The following NSUN2 variants were observed in gnomAD, a reference collection of about 807,000 sequenced individuals.
NSUN2 encodes the protein RNA cytosine C(5)-methyltransferase NSUN2.
NSUN2 carries 63 observed loss-of-function variants against 92.7 expected under a neutral mutation model. The ratio of observed to expected loss-of-function variants is 0.68; its 90% CI spans 0.56 to 0.84. The LOEUF (loss-of-function observed/expected upper bound fraction) is 0.84, where lower values mean the gene tolerates loss of function less well. NSUN2 is among the 40% of genes least tolerant of loss of function. The pLI is 0.00. For missense variants in NSUN2, 989 were observed against 964.9 expected (o/e 1.02, Z -0.33); for synonymous variants, 356 against 348.3 (o/e 1.02, Z -0.25).
chr5:6,623,044 G>GAAAAA (rs111573762), intron 5 of NSUN2, among the ~76,000 whole-genome samples, 170 bp downstream of exon 5: 1 of 72,958 alleles, frequency 1.4e-5, no homozygotes, highest in Non-Finnish European at 2.9e-5. Flanking sequence ...GGACAAAAAA[G>GAAAAA]AAAAAAAAAA....
At chr5:6,600,703 G>A (rs911008495) in intron 18 of NSUN2, among the ~76,000 whole-genome samples, 2 of 151,832 alleles carry the variant, frequency 1.3e-5, no homozygotes, top group Non-Finnish European at 2.9e-5. Context: ...CAGGACCACC[G>A]GGAGACTCTG....
rs1485702226 is a variant in NSUN2, at chr5:6,624,238, A to G, written c.466-953T>C. On this transcript the variant is annotated intron_variant, in intron 4 of 18. Transcript: ENST00000264670. ...CCTGATATGCCTGCCTTCTGTATCC[A>G]TCCAAGGTTTTGATTAAAGCATTAA... 3.3e-5 allele frequency among the ~76,000 whole-genome samples: 5 copies of G among 152,304 alleles called. No individual in the cohort carries two copies. In the South Asian group the frequency reaches 8.3e-4, roughly 25 times the overall value.
chr5:6,622,045 A>T lies in NSUN2; in HGVS notation c.593T>A (p.Leu198Gln), dbSNP rs543925171. 1 of 1,614,160 alleles carries T rather than the reference A, an allele frequency of 6.2e-7. No individual in the cohort carries two copies. The highest frequency in any genetic ancestry group is 1.1e-5 in the South Asian group (1 of 91,086). The stretch of plus-strand genomic sequence containing the variant: ...AAAGGGGACATTCATGTCGGCATGT[A>T]GCATTTCAATTAACTGTGTGGTCTT... ...GSKTTQLIEM[L>Q]HADMNVPFPE... is the part of the protein sequence containing the mutation. The change falls in exon 6 of 19, where the codon CTA becomes CAA. Residue 198 changes from leucine (L) to glutamine (Q), a missense_variant. By Grantham distance (113) the Leu-to-Gln change is moderately radical. This residue lies in a region of NSUN2 where 356 missense variants were observed against 338.6 expected (regional missense o/e 1.05). Coordinates refer to ENST00000264670, the MANE Select transcript of NSUN2 (RefSeq NM_017755.6).
At chr5:6,608,273 C>A (rs1185742396) in intron 12 of NSUN2, among the ~76,000 whole-genome samples, 1 of 152,266 alleles carries the variant, frequency 6.6e-6, no homozygotes, top group African/African-American at 2.4e-5. Flanking sequence ...GAGGGGCCTT[C>A]TTGTTGAGTC....
At chr5:6,607,985 C>CT (rs1736847177) in intron 12 of NSUN2, among the ~76,000 whole-genome samples, 3 of 151,786 alleles carry the variant, frequency 2.0e-5, no homozygotes, top group Non-Finnish European at 4.4e-5. Context: ...AATACATGTC[C>CT]TTTTTAACAT....
Position 6,611,024 on chromosome 5 carries a change from G to A in NSUN2, c.1157C>T (p.Thr386Ile), listed in dbSNP as rs781184784. 7 of 1,614,192 alleles carry A rather than the reference G, an allele frequency of 4.3e-6. No individual in the cohort carries two copies. Among genetic ancestry groups the A allele is most frequent in the South Asian group, 3.3e-5 (3 of 91,078 alleles). ...AGGGAACATGGTAGGTCGGATCTGG[G>A]TGTGTCTGCTGTGAGGAACAGCGTC... ...DWDAVPHSRHTQIRPTMFPPK... is the reference protein window; with the variant it reads ...DWDAVPHSRHIQIRPTMFPPK... Residue 386 changes from threonine to isoleucine, a missense_variant, in exon 11 of 19, where the codon ACC becomes ATC. By Grantham distance (89) the Thr-to-Ile change is moderately conservative. Around this residue, in one of 3 missense-constraint regions of NSUN2, gnomAD observed 626 missense variants for 602.3 expected, o/e 1.04. Transcript: ENST00000264670.
At chr5:6,608,684 T>C (rs1462218610) in intron 12 of NSUN2, among the ~76,000 whole-genome samples, 1 of 152,250 alleles carries the variant, frequency 6.6e-6, no homozygotes, top group Non-Finnish European at 1.5e-5. Context: ...ATGTAAGCCC[T>C]AATGCAGGCC....
chr5:6,605,301 A>G lies in NSUN2; in HGVS notation c.1709T>C (p.Val570Ala), dbSNP rs906105320. The G allele has an allele frequency of 6.2e-6, 10 of 1,614,218 alleles. No homozygotes were observed. Among genetic ancestry groups the G allele is most frequent in the Non-Finnish European group, 8.5e-6 (10 of 1,180,036 alleles). Residue 570 changes from valine to alanine, a missense_variant, in exon 15 of 19, where the codon GTG becomes GCG. Physicochemically the swap from Val to Ala is moderately conservative, Grantham distance 64. This residue lies in a region of NSUN2 where 626 missense variants were observed against 602.3 expected (regional missense o/e 1.04). Coordinates refer to ENST00000264670, the MANE Select transcript of NSUN2 (RefSeq NM_017755.6). ...CATCTTCTCACTGTTATTCAGCAGC[A>G]CATTCCGCAACTCCTTAGAAACCAT... The part of the protein sequence containing the change: ...LYMVSKELRN[V>A]LLNNSEKMKV...
At chr5:6,616,488 G>C (rs1469294516) in intron 9 of NSUN2, among the ~76,000 whole-genome samples, 3 of 152,162 alleles carry the variant, frequency 2.0e-5, no homozygotes, top group Admixed American at 6.5e-5. Context: ...GGTGGTGTGA[G>C]GGGCAGGGAA....
intron 2 of NSUN2, among the ~76,000 whole-genome samples, chr5:6,632,333 G>C (rs1737951359): frequency 6.6e-6 from 1 of 152,134 alleles, no homozygotes; most frequent in African/African-American, 2.4e-5. Context: ...CAAAAGGTAA[G>C]ACCCTCAGCT....
intron 7 of NSUN2, among the ~76,000 whole-genome samples, chr5:6,619,458 C>CCTATGGGAT (rs143503528): frequency 0.011 from 1,636 of 152,314 alleles, 17 homozygotes; most frequent in Non-Finnish European, 0.017. Context: ...GATCATCATC[C>CCTATGGGAT]GTGCACCTCC....
At chr5:6,626,879 T>A (rs781511891) in intron 3 of NSUN2, among the ~76,000 whole-genome samples, 2 of 152,192 alleles carry the variant, frequency 1.3e-5, no homozygotes, top group Non-Finnish European at 2.9e-5. Context: ...AAATTGTAGC[T>A]AGAGTGAAAA....
chr5:6,607,425 A>G (rs1175517793), intron 12 of NSUN2, 41 bp from the exon 13 acceptor site: 5 of 1,533,614 alleles, frequency 3.3e-6, no homozygotes, highest in Non-Finnish European at 4.5e-6. Flanking sequence ...AAAGAGGAGC[A>G]TTCTTTGTGC....
At chr5:6,616,295 T>C (rs11746505) in intron 9 of NSUN2, among the ~76,000 whole-genome samples, 75,598 of 152,122 alleles carry the variant, frequency 0.5, 20,579 homozygotes, top group Non-Finnish European at 0.61. Flanking sequence ...ATGCGGTTTA[T>C]ATAAACAACA....
chr5:6,600,348 C>T (rs536624837), intron 18 of NSUN2, 116 bp from the exon 19 acceptor site: 4 of 908,190 alleles, frequency 4.4e-6, no homozygotes, highest in Middle Eastern at 3.1e-4. Context: ...ACCCACAAAA[C>T]CCCCAAAACT....
At chr5:6,619,163 C>G (rs998865197) in intron 7 of NSUN2, among the ~76,000 whole-genome samples, 2 of 151,938 alleles carry the variant, frequency 1.3e-5, no homozygotes, top group African/African-American at 2.4e-5. Flanking sequence ...AAATTGCAAC[C>G]TAGAGGAAAA....
intron 3 of NSUN2, among the ~76,000 whole-genome samples, chr5:6,628,127 C>A (rs1173102849): frequency 6.6e-6 from 1 of 152,142 alleles, no homozygotes; most frequent in East Asian, 1.9e-4. Context: ...GTGGGCGGAT[C>A]ACTTGAGGTC....
chr5:6,611,465 A>AAAAAAAAAAAAAAAAAAAAAAAC, intron 10 of NSUN2, among the ~76,000 whole-genome samples: 1 of 147,140 alleles, frequency 6.8e-6, no homozygotes, highest in Non-Finnish European at 1.5e-5. Context: ...AAAAAAAAAA[A>AAAAAAAAAAAAAAAAAAAAAAAC]GCAAAGCTAC....
At chr5:6,620,597 C>CAA (rs374696844) in intron 6 of NSUN2, 28 of 213,346 alleles carry the variant, frequency 1.3e-4, no homozygotes, top group Non-Finnish European at 1.7e-4. Context: ...CGATTAACTA[C>CAA]AAAAAAAAAA....
Sources: gnomAD v4.1 joint callset for allele counts (sites outside exome capture counted in the v4.1 genomes callset) on GRCh38, gnomAD v4.1.1 for gene constraint, gnomAD v4.1.1 regional missense constraint, MANE v1.5 for transcripts, NCBI Gene and HGNC (gene_info 2026-07-23, HGNC 2026-07-21) for gene names.